KDM1B: variants seen among roughly 807,000 people sequenced by gnomAD.
KDM1B encodes lysine-specific histone demethylase 2.
Under a neutral mutation model 107.4 loss-of-function variants are expected in KDM1B, and 63 were observed. That is an observed-to-expected ratio of 0.59 (90% confidence interval 0.48 to 0.72). The LOEUF is 0.72. KDM1B is among the 30% of genes least tolerant of loss of function. KDM1B has a pLI of 0.00. For missense variants in KDM1B, 749 were observed against 1,020.8 expected (o/e 0.73, Z 3.63); for synonymous variants, 363 against 363.9 (o/e 1.00, Z 0.03).
intron 7 of KDM1B, among the ~76,000 whole-genome samples, chr6:18,176,547 A>G (rs142471749): frequency 1.3e-3 from 192 of 152,190 alleles, no homozygotes; most frequent in Non-Finnish European, 1.9e-3. Flanking sequence ...CTCAGAGGGA[A>G]TGCTTTCAAC....
At position 18,191,572 on chromosome 6, in the gene KDM1B, G is replaced by C. The variant is rs781361789; in HGVS notation, c.969+191G>C. ...TGTAGGATATTTAGCAAGATCCCTGGCTTCTACCCACTAGATTCCAGTAAT... is the reference window on the plus strand; with the variant it reads ...TGTAGGATATTTAGCAAGATCCCTGCCTTCTACCCACTAGATTCCAGTAAT... On this transcript the variant is annotated intron_variant, in intron 10 of 21. Coordinates refer to ENST00000650836, the MANE Select transcript of KDM1B (RefSeq NM_001364614.2). The surrounding 1 kb of genome is among the most constrained non-coding windows in gnomAD (Gnocchi z 5.1). 5.3e-5 allele frequency among the ~76,000 whole-genome samples: 8 copies of C among 152,102 alleles called. No homozygotes were observed. Among genetic ancestry groups the C allele is most frequent in the African/African-American group, 1.9e-4 (8 of 41,392 alleles).
At chr6:18,178,079 T>G (rs75907649) in intron 7 of KDM1B, among the ~76,000 whole-genome samples, 3 of 152,102 alleles carry the variant, frequency 2.0e-5, no homozygotes, top group African/African-American at 4.8e-5. Flanking sequence ...TAAAATTGAT[T>G]GATTGATTGA....
At chr6:18,166,077 T>C (rs1785277468) in intron 5 of KDM1B, among the ~76,000 whole-genome samples, 190 bp from the exon 6 acceptor site, 1 of 152,170 alleles carries the variant, frequency 6.6e-6, no homozygotes, top group Non-Finnish European at 1.5e-5. Context: ...TTTTAGATAC[T>C]AAAACTGACA....
In KDM1B at chr6:18,204,476, GA is replaced by G. The variant is rs201857703; in HGVS notation, c.1532-1053del. On this transcript the variant is annotated intron_variant, in intron 14 of 21. Transcript: ENST00000650836. This position sits in a 1 kb window ranked among gnomAD's most constrained non-coding sequence, Gnocchi z 4.9. ...GTGACATGGTGAGACCCTATCTCAG[GA>G]AAAAAAAGAAAAAGAAAACACCACC... Among the ~76,000 whole-genome samples, 1 of 151,564 alleles carries G rather than the reference GA, an allele frequency of 6.6e-6. No homozygotes were observed. The highest frequency in any genetic ancestry group is 1.5e-5 in the Non-Finnish European group (1 of 67,870).
At chr6:18,174,667 T>C (rs1785877767) in intron 7 of KDM1B, among the ~76,000 whole-genome samples, 1 of 151,654 alleles carries the variant, frequency 6.6e-6, no homozygotes, top group Admixed American at 6.6e-5. Flanking sequence ...TATGCCTTTG[T>C]GTCCTCATAG....
chr6:18,180,309 C>G (rs994485362), intron 7 of KDM1B, among the ~76,000 whole-genome samples: 2 of 151,926 alleles, frequency 1.3e-5, no homozygotes, highest in Non-Finnish European at 2.9e-5. Flanking sequence ...CTTGGTTGCA[C>G]TAAACTTAAC....
intron 21 of KDM1B, among the ~76,000 whole-genome samples, chr6:18,218,652 A>G (rs748388865): frequency 6.6e-6 from 1 of 152,160 alleles, no homozygotes; most frequent in Non-Finnish European, 1.5e-5. Context: ...CTTGGCAATT[A>G]TAATGGCTCC....
At position 18,168,024 on chromosome 6, in the gene KDM1B, T is replaced by C. The variant is rs146670977; in HGVS notation, c.417+1646T>C. On this transcript the variant is annotated intron_variant, in intron 6 of 21. Transcript: ENST00000650836. The stretch of plus-strand genomic sequence containing the variant: ...ATCCTCCCACTTCAGCCTCTCAAAG[T>C]GTTAGGATTACAGGTGTGAGCCACT... Among the ~76,000 whole-genome samples, 453 of 152,288 alleles carry C rather than the reference T, an allele frequency of 3.0e-3. 4 individuals carry two copies. Among genetic ancestry groups the C allele is most frequent in the African/African-American group, 0.01 (424 of 41,554 alleles).
Position 18,201,755 on chromosome 6 carries a change from G to T in KDM1B, c.1531+98G>T. 1 of 1,019,680 alleles carries T rather than the reference G, an allele frequency of 9.8e-7. No homozygotes were observed. The allele number at this position is 1,019,680 out of a possible 1,614,324, so 63.2% of individuals were successfully genotyped here. A position where few individuals can be genotyped will look rare whatever the true frequency, so the allele number is the denominator to read the frequency against. On this transcript the variant is annotated intron_variant, in intron 14 of 21. Transcript: ENST00000650836. This position sits in a 1 kb window ranked among gnomAD's most constrained non-coding sequence, Gnocchi z 4.3. ...TGTTCATTTGCGAGGTCGGATGTCG[G>T]CAACAGGGTAGCCCTCCTGAGCATT... is the stretch of plus-strand genomic sequence containing the variant.
intron 10 of KDM1B, among the ~76,000 whole-genome samples, chr6:18,194,397 T>C (rs1181275430): frequency 6.6e-6 from 1 of 152,090 alleles, no homozygotes; most frequent in African/African-American, 2.4e-5. Flanking sequence ...GCAGCCTGGA[T>C]TTCTGTAGTG....
In KDM1B at chr6:18,217,847, G is replaced by C; in HGVS notation, c.2347G>C (p.Ala783Pro). ...AAGTGGGGAGGCCTACGATATCATT[G>C]CTGAAGACATTCAAGGAACCGTCTT... is the stretch of plus-strand genomic sequence containing the variant. ...GGSGEAYDII[A>P]EDIQGTVFFA... Residue 783 changes from alanine to proline, a missense_variant, in exon 21 of 22, where the codon GCT becomes CCT. Physicochemically the swap from Ala to Pro is conservative, Grantham distance 27. Coordinates refer to ENST00000650836, the MANE Select transcript of KDM1B (RefSeq NM_001364614.2). The C allele has an allele frequency of 1.2e-6, 2 of 1,613,694 alleles. No individual in the cohort carries two copies. The highest frequency in any genetic ancestry group is 1.7e-6 in the Non-Finnish European group (2 of 1,179,914).
rs1479311188 is a variant in KDM1B, at chr6:18,162,057, G to A, written c.215+603G>A. Among the ~76,000 whole-genome samples, 1 of 152,018 alleles carries A rather than the reference G, an allele frequency of 6.6e-6. No individual in the cohort carries two copies. The highest frequency in any genetic ancestry group is 2.4e-5 in the African/African-American group (1 of 41,364). On this transcript the variant is annotated intron_variant, in intron 4 of 21. Coordinates refer to ENST00000650836, the MANE Select transcript of KDM1B (RefSeq NM_001364614.2). This position sits in a 1 kb window ranked among gnomAD's most constrained non-coding sequence, Gnocchi z 4.1. ...CAAAGAGGGCCAGGCATGGTGGCAT[G>A]CGCCTGTAATCCCAGCACTTTGAGA...
At chr6:18,170,919 C>T (rs187686404) in intron 6 of KDM1B, among the ~76,000 whole-genome samples, 319 of 152,112 alleles carry the variant, frequency 2.1e-3, no homozygotes, top group Admixed American at 6.9e-3. Context: ...CTCCCGGGTT[C>T]ATGCCATTCT....
At position 18,212,215 on chromosome 6, in the gene KDM1B, G is replaced by A; in HGVS notation, c.1867-273G>A. 2.7e-6 allele frequency: 1 copy of A among 375,046 alleles called. No homozygotes were observed. Among genetic ancestry groups the A allele is most frequent in the Non-Finnish European group, 5.0e-6 (1 of 200,298 alleles). The allele number at this position is 375,046 out of a possible 1,614,324, so 23.2% of individuals were successfully genotyped here. A position where few individuals can be genotyped will look rare whatever the true frequency, so the allele number is the denominator to read the frequency against. ...CCGCCTCGGCCTCTCAAAGTGCTGG[G>A]ATTACAGGCATGAGCCACCGCACCT... On this transcript the variant is annotated intron_variant, in intron 17 of 21. Transcript: ENST00000650836. This position sits in a 1 kb window ranked among gnomAD's most constrained non-coding sequence, Gnocchi z 5.2.
chr6:18,196,312 C>T (rs908962735), intron 10 of KDM1B, among the ~76,000 whole-genome samples: 4 of 152,106 alleles, frequency 2.6e-5, no homozygotes, highest in East Asian at 1.9e-4. Context: ...CTCTCTTTGA[C>T]GTGCTGATTC....
In KDM1B at chr6:18,159,436, A is replaced by G. The variant is rs1185869380; in HGVS notation, c.-13-447A>G. Reference sequence around the variant, plus strand: ...TCATGTGGCATGTTTCTCATTTTGTATCTTTTAATGTGCATAACTACTAAT... The same window carrying G: ...TCATGTGGCATGTTTCTCATTTTGTGTCTTTTAATGTGCATAACTACTAAT... On this transcript the variant is annotated intron_variant, in intron 2 of 21. Transcript: ENST00000650836. This position sits in a 1 kb window ranked among gnomAD's most constrained non-coding sequence, Gnocchi z 4.5. Among the ~76,000 whole-genome samples the G allele has an allele frequency of 4.6e-5, 7 of 152,230 alleles. No homozygotes were observed. Among genetic ancestry groups the G allele is most frequent in the Non-Finnish European group, 1.5e-5 (1 of 68,044 alleles).
At position 18,213,901 on chromosome 6, in the gene KDM1B, T is replaced by C; in HGVS notation, c.2109+120T>C. On this transcript the variant is annotated intron_variant, in intron 19 of 21. Transcript: ENST00000650836. The surrounding 1 kb of genome is among the most constrained non-coding windows in gnomAD (Gnocchi z 5.9). ...ACATCATGGAGACCCTGGGTCTATG[T>C]TTATATTCTGGGAGGACACTTGGAC... is the stretch of plus-strand genomic sequence containing the variant. 1 of 1,110,444 alleles carries C rather than the reference T, an allele frequency of 9.0e-7. No homozygotes were observed. Among genetic ancestry groups the C allele is most frequent in the South Asian group, 1.5e-5 (1 of 68,766 alleles). 68.8% of individuals were successfully genotyped at this position (1,110,444 alleles called of 1,614,324 possible).
intron 7 of KDM1B, among the ~76,000 whole-genome samples, chr6:18,179,832 T>C (rs1162839975): frequency 7.6e-6 from 1 of 130,722 alleles, no homozygotes; most frequent in Non-Finnish European, 1.6e-5. Flanking sequence ...TCTTTCAATT[T>C]AGCATTGGTT....
At chr6:18,185,670 C>G (rs1786809506) in intron 7 of KDM1B, 102 bp from the exon 8 acceptor site, 3 of 1,064,010 alleles carry the variant, frequency 2.8e-6, no homozygotes. Flanking sequence ...CTTTTCTTTG[C>G]CAGCCTGATA....
Sources: gnomAD v4.1 joint callset for allele counts (sites outside exome capture counted in the v4.1 genomes callset) on GRCh38, gnomAD v4.1.1 for gene constraint, Gnocchi (gnomAD v3.1) non-coding constraint, MANE v1.5 for transcripts, NCBI Gene and HGNC (gene_info 2026-07-23, HGNC 2026-07-21) for gene names.